The following CYP3A43 variants were observed in gnomAD, a reference collection of about 807,000 sequenced individuals.
CYP3A43 encodes the protein cytochrome P450 3A43.
A neutral mutation model predicts 58.0 loss-of-function variants in CYP3A43; 45 were observed. That is an observed-to-expected ratio of 0.78 (90% CI 0.61 to 0.99). CYP3A43 has a LOEUF of 0.99. Ranked by LOEUF, CYP3A43 falls within the 50% of genes least tolerant of loss-of-function variation. The pLI, the probability that CYP3A43 is intolerant of heterozygous loss-of-function variation, is 0.00. For missense variants in CYP3A43, 593 were observed against 591.9 expected, an observed-to-expected ratio of 1.00 and a Z score of -0.02; for synonymous variants, 191 against 201.4, an observed-to-expected ratio of 0.95 and a Z score of 0.44.
chr7:99,857,199 A>G (rs1165501687), intron 9 of CYP3A43, among the ~76,000 whole-genome samples: 1 of 152,128 alleles, frequency 6.6e-6, no homozygotes, highest in African/African-American at 2.4e-5. Flanking sequence ...AGATCCACTT[A>G]CTCAGAACTT....
Position 99,855,704 on chromosome 7 carries a change from A to C in CYP3A43, c.784A>C (p.Lys262Gln). 1 of 1,608,224 alleles carries C rather than the reference A, an allele frequency of 6.2e-7. No homozygotes were observed. Among genetic ancestry groups the C allele is most frequent in the Non-Finnish European group, 8.5e-7 (1 of 1,177,708 alleles). Reference protein sequence around the residue: ...SIERMKESRLKDKQKHRVDFF... With the variant: ...SIERMKESRLQDKQKHRVDFF... ...TGAAAGGATGAAAGAAAGTCGCCTC[A>C]AAGATAAACAAAAGGTAAAATCTGG... The change falls in exon 8 of 13, where the codon AAA becomes CAA. Residue 262 changes from lysine to glutamine, a missense_variant. By Grantham distance (53) the Lys-to-Gln change is moderately conservative. Transcript: ENST00000354829.
At chr7:99,848,110 A>G in intron 5 of CYP3A43, 56 bp from the exon 6 acceptor site, 4 of 1,549,218 alleles carry the variant, frequency 2.6e-6, no homozygotes, top group South Asian at 2.2e-5. Context: ...GGGCAAAGCC[A>G]TGTCCTTCTG....
chr7:99,829,600 C>T (rs1816761482), intron 1 of CYP3A43, among the ~76,000 whole-genome samples: 1 of 152,186 alleles, frequency 6.6e-6, no homozygotes, highest in South Asian at 2.1e-4. Context: ...CATTGCCTAC[C>T]TCTACTCCAA....
intron 4 of CYP3A43, among the ~76,000 whole-genome samples, chr7:99,844,928 G>C (rs1005095455): frequency 1.3e-5 from 2 of 152,018 alleles, no homozygotes; most frequent in African/African-American, 4.8e-5. Context: ...AATTAGCCAG[G>C]CATGGTGGTG....
intron 2 of CYP3A43, among the ~76,000 whole-genome samples, chr7:99,837,457 G>A (rs376939785): frequency 6.6e-6 from 1 of 152,146 alleles, no homozygotes; most frequent in Admixed American, 6.5e-5. Context: ...CCACAGTTGT[G>A]CTCCAGCTTC....
rs45565841 is a variant in CYP3A43 at position 99,856,914 on chromosome 7, C to T, written c.865+15C>T. 22,720 of 1,610,882 alleles carry T rather than the reference C, an allele frequency of 0.014. 1,895 individuals carry two copies. The African/African-American group carries it at 0.22, about 16-fold the overall frequency. On this transcript the variant is annotated intron_variant, in intron 9 of 12. Transcript: ENST00000354829. ...GTCCCATAAAGGTAACCAAGAACTG[C>T]ATCTGGGGGCTACTGATGGGGACAC...
intron 7 of CYP3A43, among the ~76,000 whole-genome samples, chr7:99,853,646 T>A (rs2151615503): frequency 6.6e-6 from 1 of 152,296 alleles, no homozygotes; most frequent in Admixed American, 6.5e-5. Flanking sequence ...AACCTCCACC[T>A]CCTGGGGTCA....
intron 1 of CYP3A43, among the ~76,000 whole-genome samples, chr7:99,834,874 A>AT (rs1817005709): frequency 6.6e-6 from 1 of 152,198 alleles, no homozygotes; most frequent in Non-Finnish European, 1.5e-5. Flanking sequence ...ATTTTGTGGC[A>AT]TTAATTCCTT....
chr7:99,829,719 A>G (rs1201560052), intron 1 of CYP3A43, among the ~76,000 whole-genome samples: 1 of 152,230 alleles, frequency 6.6e-6, no homozygotes, highest in Non-Finnish European at 1.5e-5. Context: ...TTGCTTTGGT[A>G]GAATGACCTC....
At chr7:99,829,422 T>C (rs1584189658) in intron 1 of CYP3A43, among the ~76,000 whole-genome samples, 1 of 152,194 alleles carries the variant, frequency 6.6e-6, no homozygotes, top group Non-Finnish European at 1.5e-5. Context: ...AGGCATGAGA[T>C]ATCAAATACA....
chr7:99,848,399 T>C (rs1817621296), intron 6 of CYP3A43, 145 bp downstream of exon 6: 1 of 761,956 alleles, frequency 1.3e-6, no homozygotes, highest in Non-Finnish European at 2.1e-6. Context: ...CCACCCAAGA[T>C]GGTGTTGCTC....
At chr7:99,839,535 A>C in intron 3 of CYP3A43, 1 of 444,664 alleles carries the variant, frequency 2.2e-6, no homozygotes, top group African/African-American at 2.0e-5. Flanking sequence ...AGCTTCATAC[A>C]TAAGCCACAT....
chr7:99,840,801 T>G (rs1294263182), intron 3 of CYP3A43, among the ~76,000 whole-genome samples: 1 of 152,174 alleles, frequency 6.6e-6, no homozygotes, highest in Non-Finnish European at 1.5e-5. Flanking sequence ...CCTCAGTCAC[T>G]TTTTGGTTAA....
At chr7:99,838,998 C>T in intron 2 of CYP3A43, 122 bp from the exon 3 acceptor site, 1 of 1,126,518 alleles carries the variant, frequency 8.9e-7, no homozygotes, top group Non-Finnish European at 1.3e-6. Flanking sequence ...CCTCTAACTG[C>T]CAGTAAATGG....
Position 99,836,362 on chromosome 7 carries a change from T to C in CYP3A43, c.72-91T>C, listed in dbSNP as rs568337305. ...TTGCCTCCATGTTACCTCCCTCCCT[T>C]GAACATTCCAGTTCCTGAGGTAATG... On this transcript the variant is annotated intron_variant, in intron 1 of 12. Transcript: ENST00000354829. 4.1e-6 allele frequency: 4 copies of C among 979,804 alleles called. No homozygotes were observed. In the East Asian group the frequency reaches 7.4e-5, roughly 18 times the overall value. 60.7% of individuals were successfully genotyped at this position (979,804 alleles called of 1,614,324 possible).
intron 2 of CYP3A43, 114 bp from the exon 3 acceptor site, chr7:99,839,006 T>A: frequency 1.6e-6 from 2 of 1,220,216 alleles, no homozygotes; most frequent in Non-Finnish European, 2.4e-6. Flanking sequence ...TGCCAGTAAA[T>A]GGTAGCAAGC....
In CYP3A43 at chr7:99,839,165, A is replaced by G. The variant is rs1817224495; in HGVS notation, c.211A>G (p.Met71Val). Residue 71 changes from methionine (M) to valine (V), a missense_variant, in exon 3 of 13, where the codon ATG (methionine) becomes GTG (valine). Coordinates refer to ENST00000354829, the MANE Select transcript of CYP3A43 (RefSeq NM_057095.3). ...AGAATGTAATGAAAAATACGGAGAA[A>G]TGTGGGGGTGAGTATTCTGGAAACT... ...DRECNEKYGEMWGLYEGQQPM... is the reference protein window; with the variant it reads ...DRECNEKYGEVWGLYEGQQPM... The G allele has an allele frequency of 6.2e-7, 1 of 1,614,156 alleles. No individual in the cohort carries two copies.
rs779683976 is a variant in CYP3A43, at chr7:99,844,216, T to C, written c.292T>C (p.Cys98Arg). ...DMIKTVLVKE[C>R]YSVFTNQMPL... Reference sequence around the variant, plus strand: ...GATCAAAACAGTGTTAGTGAAAGAATGTTACTCTGTCTTCACAAACCAGAT... The same window carrying C: ...GATCAAAACAGTGTTAGTGAAAGAACGTTACTCTGTCTTCACAAACCAGAT... Residue 98 changes from cysteine to arginine, a missense_variant, in exon 4 of 13, where the codon TGT becomes CGT. Physicochemically the swap from Cys to Arg is radical, Grantham distance 180. Transcript: ENST00000354829. 5.6e-6 allele frequency: 9 copies of C among 1,613,908 alleles called. No homozygotes were observed. The highest frequency in any genetic ancestry group is 1.6e-4 in the Middle Eastern group (1 of 6,078).
rs757086404 is a variant in CYP3A43, at chr7:99,859,891, A to G, written c.927A>G (p.Thr309=). ...SIIIIFAAYD[T]TSTTLPFIMY... ...TCATCATTTTTGCTGCCTATGACAC[A>G]ACTAGCACCACTCTCCCCTTCATTA... is the stretch of plus-strand genomic sequence containing the variant. The change falls in exon 10 of 13, where the codon ACA becomes ACG. Residue 309 remains threonine, a synonymous_variant. Coordinates refer to ENST00000354829, the MANE Select transcript of CYP3A43 (RefSeq NM_057095.3). 1.9e-6 allele frequency: 3 copies of G among 1,614,034 alleles called. No individual in the cohort carries two copies. Among genetic ancestry groups the G allele is most frequent in the Non-Finnish European group, 1.7e-6 (2 of 1,180,026 alleles).
Sources: gnomAD v4.1 joint callset for allele counts (sites outside exome capture counted in the v4.1 genomes callset) on GRCh38, gnomAD v4.1.1 for gene constraint, MANE v1.5 for transcripts, NCBI Gene and HGNC (gene_info 2026-07-23, HGNC 2026-07-21) for gene names.